TBXAS1: variants seen among roughly 807,000 people sequenced by gnomAD.
TBXAS1 encodes the protein thromboxane A synthase 1.
In TBXAS1, 48 loss-of-function variants were observed where a neutral mutation model predicts 60.7. That is an observed-to-expected ratio of 0.79 (90% CI 0.63 to 1.01). The LOEUF (loss-of-function observed/expected upper bound fraction) is 1.01. TBXAS1 is among the 50% of genes least tolerant of loss of function. The pLI is 0.00. For missense variants in TBXAS1, 685 were observed against 686.3 expected (o/e 1.00, Z 0.02); for synonymous variants, 287 against 269.7 (o/e 1.06, Z -0.63).
intron 4 of TBXAS1, chr7:139,797,228 A>G (rs1333444014): frequency 2.0e-5 from 3 of 152,240 alleles, no homozygotes; most frequent in Non-Finnish European, 4.4e-5. Context: ...AGGAAGAGCC[A>G]TAACTACCTG....
chr7:139,906,084 C>A (rs77173203), intron 3 of TBXAS1: 1 of 342,792 alleles, frequency 2.9e-6, no homozygotes, highest in South Asian at 2.1e-5. Flanking sequence ...TTTTTTTTTT[C>A]TCACTCTGTC....
intron 4 of TBXAS1, among the ~76,000 whole-genome samples, chr7:139,917,488 G>A (rs955365527): frequency 1.3e-5 from 2 of 152,204 alleles, no homozygotes; most frequent in Non-Finnish European, 2.9e-5. Context: ...GTCGCAATGG[G>A]ATGCCTGTCC....
intron 1 of TBXAS1, among the ~76,000 whole-genome samples, chr7:139,868,528 G>C (rs1003939012): frequency 2.0e-5 from 3 of 151,692 alleles, no homozygotes; most frequent in African/African-American, 7.3e-5. Flanking sequence ...CTGTTGCCCA[G>C]GCTGGAGTGT....
intron 4 of TBXAS1, among the ~76,000 whole-genome samples, chr7:139,795,342 G>A (rs560531631): frequency 3.3e-3 from 361 of 109,944 alleles, no homozygotes; most frequent in African/African-American, 0.013. Flanking sequence ...CATGTCCTTC[G>A]CCCACTTTTT....
chr7:139,813,413 T>C (rs1276852533), intron 4 of TBXAS1, among the ~76,000 whole-genome samples: 3 of 152,212 alleles, frequency 2.0e-5, no homozygotes, highest in Non-Finnish European at 4.4e-5. Context: ...AACACCCTTC[T>C]GGTCAAGGGG....
At chr7:139,932,092 A>T (rs1049004651) in intron 4 of TBXAS1, among the ~76,000 whole-genome samples, 2 of 149,952 alleles carry the variant, frequency 1.3e-5, no homozygotes, top group Admixed American at 6.7e-5. Context: ...GAGTGAACCC[A>T]GGAGGCGGAG....
intron 2 of TBXAS1, among the ~76,000 whole-genome samples, chr7:139,781,363 A>G (rs181077197): frequency 1.3e-5 from 2 of 152,258 alleles, no homozygotes; most frequent in Non-Finnish European, 2.9e-5. Flanking sequence ...CTGGGAGGAG[A>G]GAGGATCTGT....
At chr7:139,906,147 C>T in intron 3 of TBXAS1, 1 of 367,980 alleles carries the variant, frequency 2.7e-6, no homozygotes, top group Non-Finnish European at 5.3e-6. Context: ...CCTCCACCTT[C>T]CAGGTTCAAG....
At chr7:139,998,744 G>C (rs1813465198) in intron 9 of TBXAS1, among the ~76,000 whole-genome samples, 2 of 152,226 alleles carry the variant, frequency 1.3e-5, no homozygotes, top group South Asian at 4.1e-4. Context: ...GTGAAGCTCA[G>C]CCCAGAGCCA....
chr7:139,922,162 T>A (rs1426814082), intron 4 of TBXAS1, among the ~76,000 whole-genome samples: 2 of 151,286 alleles, frequency 1.3e-5, no homozygotes, highest in African/African-American at 4.9e-5. Context: ...AGTGCAATGG[T>A]GTGATCTCAG....
rs536192756 is a variant in TBXAS1, at chr7:139,991,031, G to A, written c.1135-16060G>A. On this transcript the variant is annotated intron_variant, in intron 9 of 12. Coordinates refer to ENST00000448866, the MANE Select transcript of TBXAS1 (RefSeq NM_001061.7). ...AGATCCATGGCCAAAACAAATTGCCGCAATTAACACGTGCCACTGCCACGA... is the reference window on the plus strand; with the variant it reads ...AGATCCATGGCCAAAACAAATTGCCACAATTAACACGTGCCACTGCCACGA... 7.2e-5 allele frequency among the ~76,000 whole-genome samples: 11 copies of A among 152,252 alleles called. No homozygotes were observed. The East Asian group carries it at 1.4e-3, about 19-fold the overall frequency.
chr7:139,805,965 C>T (rs1383539035), intron 4 of TBXAS1, among the ~76,000 whole-genome samples: 4 of 129,570 alleles, frequency 3.1e-5, no homozygotes, highest in East Asian at 2.3e-4. Context: ...GATGGAGTCT[C>T]GCTCTTTCAC....
At chr7:140,002,055 C>T (rs376067195) in intron 9 of TBXAS1, among the ~76,000 whole-genome samples, 7 of 152,204 alleles carry the variant, frequency 4.6e-5, no homozygotes, top group South Asian at 2.1e-4. Flanking sequence ...TTTAAAGTTA[C>T]GTCTCCCGGG....
intron 4 of TBXAS1, among the ~76,000 whole-genome samples, chr7:139,923,853 T>C (rs1464182512): frequency 1.3e-5 from 2 of 152,194 alleles, no homozygotes; most frequent in Non-Finnish European, 2.9e-5. Context: ...AGTTCAATTG[T>C]TTTACTTTTT....
In TBXAS1 at chr7:139,951,937, GAAGGAAAGAAAGA is replaced by G. The variant is rs1569518376; in HGVS notation, c.451-1428_451-1416del. Among the ~76,000 whole-genome samples, 6 of 28,898 alleles carry G rather than the reference GAAGGAAAGAAAGA, an allele frequency of 2.1e-4. 1 individual carries two copies. The highest frequency in any genetic ancestry group is 1.6e-4 in the Non-Finnish European group (2 of 12,742). The allele number at this position is 28,898 out of a possible 152,430, so 19.0% of individuals were successfully genotyped here. Reference sequence around the variant, plus strand: ...AGAAAGAGAGAAAGAAAGAGAGAAAGAAGGAAAGAAAGAAAAGAAAGAAAGAAAGAAAGAAAGA... The same window carrying G: ...AGAAAGAGAGAAAGAAAGAGAGAAAGAAAGAAAGAAAGAAAGAAAGAAAGA... On this transcript the variant is annotated intron_variant, in intron 5 of 12. Coordinates refer to ENST00000448866, the MANE Select transcript of TBXAS1 (RefSeq NM_001061.7).
chr7:139,957,088 C>T (rs1016156959), intron 7 of TBXAS1, among the ~76,000 whole-genome samples: 2 of 152,236 alleles, frequency 1.3e-5, no homozygotes, highest in African/African-American at 4.8e-5. Context: ...GCCCATGCTG[C>T]ACCCAGGGGC....
intron 1 of TBXAS1, among the ~76,000 whole-genome samples, chr7:139,849,663 A>G (rs115866828): frequency 0.012 from 1,872 of 152,254 alleles, 30 homozygotes; most frequent in African/African-American, 0.043. Context: ...ACACTCTAGG[A>G]AGGGCAAAGA....
chr7:139,849,997 G>T (rs1037167427), intron 1 of TBXAS1, among the ~76,000 whole-genome samples: 1 of 152,160 alleles, frequency 6.6e-6, no homozygotes, highest in South Asian at 2.1e-4. Context: ...AAGTCCTCTG[G>T]GTTATTAAGG....
chr7:139,948,154 T>C (rs138710754), intron 5 of TBXAS1, among the ~76,000 whole-genome samples: 1,652 of 152,290 alleles, frequency 0.011, 33 homozygotes, highest in African/African-American at 0.038. Context: ...AGTGAGCCAC[T>C]GTGCCAGGCC....
Sources: gnomAD v4.1 joint callset for allele counts (sites outside exome capture counted in the v4.1 genomes callset) on GRCh38, gnomAD v4.1.1 for gene constraint, MANE v1.5 for transcripts, NCBI Gene and HGNC (gene_info 2026-07-23, HGNC 2026-07-21) for gene names.